TBC1D22A: variants seen among roughly 807,000 people sequenced by gnomAD.
TBC1D22A encodes TBC1 domain family member 22A, also known as putative GTPase activator.
In TBC1D22A, 38 loss-of-function variants were observed where a neutral mutation model predicts 60.2. That is an observed-to-expected ratio of 0.63 (90% confidence interval 0.49 to 0.83). TBC1D22A has a LOEUF of 0.83. Ranked by LOEUF, TBC1D22A falls within the 40% of genes least tolerant of loss-of-function variation. The probability of loss-of-function intolerance (pLI) is 0.00; values close to 1 mark genes in which losing one functional copy is unlikely to be tolerated. For missense variants in TBC1D22A, 628 were observed against 701.0 expected (o/e 0.90, Z 1.18); for synonymous variants, 302 against 281.7 (o/e 1.07, Z -0.72).
rs2068652712 is a variant in TBC1D22A at position 47,175,522 on chromosome 22, A to C, written c.*1896A>C. ...CGAGGTGGTTGATGTTTTAAACAGG[A>C]AGCTCCACGGAGTTCAGCCCTGTGT... On this transcript the variant is annotated 3_prime_UTR_variant, in exon 13 of 13. Coordinates refer to ENST00000337137, the MANE Select transcript of TBC1D22A (RefSeq NM_014346.5). The C allele has an allele frequency of 6.6e-6, 1 of 152,152 alleles. No homozygotes were observed. Among genetic ancestry groups the C allele is most frequent in the Non-Finnish European group, 1.5e-5 (1 of 68,088 alleles). 9.4% of individuals were successfully genotyped at this position (152,152 alleles called of 1,614,324 possible). A position where few individuals can be genotyped will look rare whatever the true frequency, so the allele number is the denominator to read the frequency against.
At chr22:46,776,474 T>C (rs2083710859) in intron 1 of TBC1D22A, among the ~76,000 whole-genome samples, 1 of 151,972 alleles carries the variant, frequency 6.6e-6, no homozygotes, top group Non-Finnish European at 1.5e-5. Flanking sequence ...GGGTCAGTGT[T>C]CAGGATGGTG....
intron 4 of TBC1D22A, among the ~76,000 whole-genome samples, chr22:46,808,339 CAG>C (rs1298421697): frequency 2.0e-5 from 3 of 150,916 alleles, no homozygotes; most frequent in Non-Finnish European, 4.4e-5. Flanking sequence ...GCCTGGGTAA[CAG>C]AGTGAGATTC....
At chr22:46,911,611 A>T (rs182265021) in intron 7 of TBC1D22A, among the ~76,000 whole-genome samples, 2,485 of 152,230 alleles carry the variant, frequency 0.016, 44 homozygotes, top group African/African-American at 0.04. Flanking sequence ...AATTTTTTTT[A>T]AAATCAAGTT....
chr22:47,000,287 G>A (rs774527488), intron 10 of TBC1D22A, among the ~76,000 whole-genome samples: 5 of 152,118 alleles, frequency 3.3e-5, no homozygotes, highest in Non-Finnish European at 2.9e-5. Flanking sequence ...AGGAGGGGGA[G>A]GTCTTGGGGA....
At chr22:47,053,792 G>A (rs967857513) in intron 11 of TBC1D22A, among the ~76,000 whole-genome samples, 8 of 152,240 alleles carry the variant, frequency 5.3e-5, no homozygotes, top group Admixed American at 2.6e-4. Context: ...GGATTCCCGC[G>A]TGCTGCCTTG....
chr22:46,853,934 GC>G (rs768920605), intron 4 of TBC1D22A, among the ~76,000 whole-genome samples: 2 of 152,128 alleles, frequency 1.3e-5, no homozygotes, highest in Non-Finnish European at 2.9e-5. Flanking sequence ...GACCTCAGAG[GC>G]ATTTTGCACC....
At chr22:47,098,810 T>C (rs1489173411) in intron 11 of TBC1D22A, among the ~76,000 whole-genome samples, 1 of 152,228 alleles carries the variant, frequency 6.6e-6, no homozygotes, top group Non-Finnish European at 1.5e-5. Context: ...CAGGGAGTCA[T>C]GCAGCCATTA....
chr22:46,767,061 G>A (rs1267223669), intron 1 of TBC1D22A, among the ~76,000 whole-genome samples: 1 of 152,174 alleles, frequency 6.6e-6, no homozygotes, highest in Non-Finnish European at 1.5e-5. Context: ...TGAGTGGTTT[G>A]GCCAGGGCTA....
chr22:46,970,588 C>T (rs563730289), intron 8 of TBC1D22A, among the ~76,000 whole-genome samples: 2 of 152,316 alleles, frequency 1.3e-5, no homozygotes, highest in Admixed American at 6.5e-5. Flanking sequence ...CTTCCCAGGT[C>T]GTGCCTCGTT....
chr22:46,909,800 C>T (rs2069771238), intron 7 of TBC1D22A, among the ~76,000 whole-genome samples: 1 of 152,150 alleles, frequency 6.6e-6, no homozygotes, highest in Non-Finnish European at 1.5e-5. Context: ...CCTTCAGGGA[C>T]CCAGCCTGCC....
chr22:46,867,860 A>T lies in TBC1D22A; in HGVS notation c.638-10793A>T, dbSNP rs1335617150. ...GCAGATGACTCCAGAGGAAACATTTAAAAAAGCCACCCGGCAGAATGCCTT... is the reference window on the plus strand; with the variant it reads ...GCAGATGACTCCAGAGGAAACATTTTAAAAAGCCACCCGGCAGAATGCCTT... On this transcript the variant is annotated intron_variant, in intron 4 of 12. Transcript: ENST00000337137. Among the ~76,000 whole-genome samples, 8 of 152,376 alleles carry T rather than the reference A, an allele frequency of 5.3e-5. No individual in the cohort carries two copies. In the East Asian group the frequency reaches 1.5e-3, roughly 29 times the overall value.
intron 11 of TBC1D22A, among the ~76,000 whole-genome samples, chr22:47,064,748 C>CT: frequency 6.6e-6 from 1 of 152,324 alleles, no homozygotes; most frequent in Admixed American, 6.5e-5. Context: ...CTCTAAGTGT[C>CT]TCCTGTCTAC....
chr22:47,111,119 G>T (rs58033537), intron 11 of TBC1D22A, among the ~76,000 whole-genome samples: 3,297 of 152,300 alleles, frequency 0.022, 127 homozygotes, highest in African/African-American at 0.074. Context: ...CTCATCTGTG[G>T]AGTGGGAGGA....
intron 8 of TBC1D22A, among the ~76,000 whole-genome samples, chr22:46,924,163 C>A (rs1183681370): frequency 6.6e-6 from 1 of 152,160 alleles, no homozygotes; most frequent in Non-Finnish European, 1.5e-5. Context: ...TGCCTCCGTG[C>A]TATTTAAATG....
At chr22:47,019,128 A>G (rs750151) in intron 10 of TBC1D22A, among the ~76,000 whole-genome samples, 51,264 of 152,204 alleles carry the variant, frequency 0.34, 10,235 homozygotes, top group African/African-American at 0.56. Flanking sequence ...CACATCCAGC[A>G]CAGGGAGGGA....
chr22:46,828,152 G>A (rs561260360), intron 4 of TBC1D22A, among the ~76,000 whole-genome samples: 8 of 152,338 alleles, frequency 5.3e-5, no homozygotes, highest in East Asian at 1.9e-4. Context: ...CTGGTGCAGC[G>A]TCAGGACTCC....
At chr22:46,907,118 G>A (rs1035311549) in intron 7 of TBC1D22A, among the ~76,000 whole-genome samples, 9 of 151,584 alleles carry the variant, frequency 5.9e-5, no homozygotes, top group African/African-American at 1.7e-4. Flanking sequence ...GCTCTTCTCC[G>A]TGCGTGTGCT....
At chr22:46,861,699 C>A (rs945823739) in intron 4 of TBC1D22A, among the ~76,000 whole-genome samples, 3 of 152,242 alleles carry the variant, frequency 2.0e-5, no homozygotes, top group Non-Finnish European at 4.4e-5. Flanking sequence ...CATGTCCCCC[C>A]GCTCAGAACC....
intron 8 of TBC1D22A, among the ~76,000 whole-genome samples, chr22:46,924,841 C>T (rs927916619): frequency 1.3e-5 from 2 of 152,118 alleles, no homozygotes; most frequent in Admixed American, 1.3e-4. Context: ...CCAGAGAGGA[C>T]ACTCTAGCAT....
Sources: gnomAD v4.1 joint callset for allele counts (sites outside exome capture counted in the v4.1 genomes callset) on GRCh38, gnomAD v4.1.1 for gene constraint, MANE v1.5 for transcripts, NCBI Gene and HGNC (gene_info 2026-07-23, HGNC 2026-07-21) for gene names.